MGAT5: variants seen among roughly 807,000 people sequenced by gnomAD.
The protein encoded by MGAT5 is alpha-1,6-mannosylglycoprotein 6-beta-N-acetylglucosaminyltransferase.
MGAT5 carries 30 observed loss-of-function variants against 94.3 expected under a neutral mutation model. The ratio of observed to expected loss-of-function variants is 0.32; its 90% CI spans 0.24 to 0.43. The LOEUF is 0.43. MGAT5 is among the 20% of genes least tolerant of loss of function. MGAT5 has a pLI of 1.00. For synonymous variants in MGAT5, 310 were observed against 322.9 expected, an observed-to-expected ratio of 0.96 and a Z score of 0.43; for missense variants, 691 against 905.5, an observed-to-expected ratio of 0.76 and a Z score of 3.04.
chr2:134,445,867 G>A (rs1023648600), intron 15 of MGAT5, among the ~76,000 whole-genome samples: 1 of 152,206 alleles, frequency 6.6e-6, no homozygotes, highest in Admixed American at 6.5e-5. Flanking sequence ...TGCAGAGGCT[G>A]TCTGGTCTCC....
At chr2:134,174,261 A>G (rs1043849583) in intron 1 of MGAT5, among the ~76,000 whole-genome samples, 2 of 152,260 alleles carry the variant, frequency 1.3e-5, no homozygotes, top group African/African-American at 4.8e-5. Context: ...TGGAAGAGAA[A>G]GATGCCATGT....
intron 14 of MGAT5, among the ~76,000 whole-genome samples, chr2:134,435,783 G>A (rs1005955935): frequency 3.9e-5 from 6 of 152,222 alleles, no homozygotes; most frequent in African/African-American, 1.4e-4. Flanking sequence ...GCAAGTATTT[G>A]TTCAAAGAAT....
intron 1 of MGAT5, among the ~76,000 whole-genome samples, chr2:134,184,526 C>T (rs1688904466): frequency 6.6e-6 from 1 of 152,150 alleles, no homozygotes; most frequent in Admixed American, 6.5e-5. Context: ...GAGAAGTCTT[C>T]CTTCATCCTC....
At chr2:134,144,844 A>G (rs1686835825) in intron 1 of MGAT5, among the ~76,000 whole-genome samples, 1 of 152,106 alleles carries the variant, frequency 6.6e-6, no homozygotes, top group Non-Finnish European at 1.5e-5. Flanking sequence ...TGATGATGTC[A>G]TGATGTGGGA....
At chr2:134,377,316 A>G (rs1273340151) in intron 10 of MGAT5, among the ~76,000 whole-genome samples, 2 of 152,192 alleles carry the variant, frequency 1.3e-5, no homozygotes, top group African/African-American at 2.4e-5. Flanking sequence ...TGCAGGCCTC[A>G]TAGCTGTGGT....
intron 2 of MGAT5, among the ~76,000 whole-genome samples, chr2:134,273,289 A>G (rs1684149337): frequency 6.6e-6 from 1 of 152,106 alleles, no homozygotes; most frequent in South Asian, 2.1e-4. Context: ...CTGATCCATA[A>G]CCATGCTGAT....
At chr2:134,132,492 T>A (rs1321480644) in intron 1 of MGAT5, among the ~76,000 whole-genome samples, 1 of 152,208 alleles carries the variant, frequency 6.6e-6, no homozygotes, top group African/African-American at 2.4e-5. Flanking sequence ...CTTAAAAAAT[T>A]TTGGTCAGAG....
intron 2 of MGAT5, among the ~76,000 whole-genome samples, chr2:134,276,632 G>A (rs1267653806): frequency 6.6e-6 from 1 of 152,230 alleles, no homozygotes; most frequent in East Asian, 1.9e-4. Context: ...CATTTTCAAT[G>A]TTAAATGAAG....
intron 1 of MGAT5, among the ~76,000 whole-genome samples, chr2:134,163,076 A>G (rs1392564155): frequency 6.6e-6 from 1 of 152,106 alleles, no homozygotes; most frequent in African/African-American, 2.4e-5. Flanking sequence ...CCTGCTCTTG[A>G]GGAGTTGACA....
At chr2:134,400,824 A>G in intron 10 of MGAT5, among the ~76,000 whole-genome samples, 1 of 152,214 alleles carries the variant, frequency 6.6e-6, no homozygotes, top group East Asian at 1.9e-4. Flanking sequence ...TCCTGCTTTA[A>G]GGCCAGCAAG....
At chr2:134,273,860 CAAAG>C (rs1313069771) in intron 2 of MGAT5, among the ~76,000 whole-genome samples, 4 of 152,102 alleles carry the variant, frequency 2.6e-5, no homozygotes, top group African/African-American at 9.7e-5. Flanking sequence ...AAAGGGGACT[CAAAG>C]GAATGAAAAA....
At chr2:134,349,578 G>A (rs1036711940) in intron 8 of MGAT5, among the ~76,000 whole-genome samples, 7 of 152,284 alleles carry the variant, frequency 4.6e-5, no homozygotes, top group African/African-American at 1.4e-4. Flanking sequence ...TTAGTTACCC[G>A]ATCTGAAGCA....
chr2:134,194,059 C>T (rs1679375836), intron 1 of MGAT5, among the ~76,000 whole-genome samples: 1 of 152,202 alleles, frequency 6.6e-6, no homozygotes, highest in East Asian at 1.9e-4. Flanking sequence ...TGAATCATTC[C>T]ATGCACTTTC....
intron 1 of MGAT5, among the ~76,000 whole-genome samples, chr2:134,215,417 G>A (rs184038880): frequency 4.2e-4 from 64 of 152,298 alleles, no homozygotes; most frequent in Middle Eastern, 3.4e-3. Context: ...AAGACTGGGT[G>A]GCTACATCTG....
intron 2 of MGAT5, among the ~76,000 whole-genome samples, chr2:134,291,943 G>A (rs370837428): frequency 6.6e-6 from 1 of 152,070 alleles, no homozygotes; most frequent in Non-Finnish European, 1.5e-5. Flanking sequence ...GGAACTTTCC[G>A]TGACTGTTTC....
At chr2:134,190,779 A>G (rs1257170) in intron 1 of MGAT5, among the ~76,000 whole-genome samples, 142,071 of 152,164 alleles carry the variant, frequency 0.93, 66,440 homozygotes, top group East Asian at 1. Context: ...CCGAGTAGCT[A>G]GGACTACAGG....
intron 1 of MGAT5, among the ~76,000 whole-genome samples, chr2:134,142,406 G>A (rs967751076): frequency 1.3e-5 from 2 of 152,194 alleles, no homozygotes; most frequent in African/African-American, 4.8e-5. Flanking sequence ...TGGGTTTTAT[G>A]GGACAGATCA....
chr2:134,189,602 G>GTTTTTTTTTGTTTTTTT (rs1689240830), intron 1 of MGAT5, among the ~76,000 whole-genome samples: 13 of 84,658 alleles, frequency 1.5e-4, no homozygotes, highest in South Asian at 8.4e-4. Context: ...GTTTTTTTTT[G>GTTTTTTTTTGTTTTTTT]TTTTTTTTTT....
chr2:134,357,547 A>C (rs1449188124), intron 9 of MGAT5, among the ~76,000 whole-genome samples: 1 of 152,240 alleles, frequency 6.6e-6, no homozygotes, highest in Non-Finnish European at 1.5e-5. Context: ...TTTTTAGGAC[A>C]TGATAACCAA....
Sources: gnomAD v4.1 joint callset for allele counts (sites outside exome capture counted in the v4.1 genomes callset) on GRCh38, gnomAD v4.1.1 for gene constraint, MANE v1.5 for transcripts, NCBI Gene and HGNC (gene_info 2026-07-23, HGNC 2026-07-21) for gene names.